NHS: variants seen among roughly 807,000 people sequenced by gnomAD.
NHS encodes NHS actin remodeling regulator.
Under a neutral mutation model 72.5 loss-of-function variants are expected in NHS, and 5 were observed. The ratio of observed to expected loss-of-function variants is 0.07; its 90% CI spans 0.04 to 0.14. The LOEUF (loss-of-function observed/expected upper bound fraction) is 0.14, where lower values mean the gene tolerates loss of function less well. Ranked by LOEUF, NHS falls within the 10% of genes least tolerant of loss-of-function variation. The pLI, the probability that NHS is intolerant of heterozygous loss-of-function variation, is 1.00. For missense variants in NHS, 1,072 were observed against 1,355.7 expected, an observed-to-expected ratio of 0.79 and a Z score of 3.29; for synonymous variants, 464 against 547.7, an observed-to-expected ratio of 0.85 and a Z score of 2.13.
chrX:17,546,126 G>C (rs58681679), intron 1 of NHS, among the ~76,000 whole-genome samples: 3,309 of 111,994 alleles, frequency 0.03, 113 homozygotes, highest in African/African-American at 0.1. Context: ...TGTCTCAGAG[G>C]GGGTACAGTG....
chrX:17,533,262 C>G (rs1239037477), intron 1 of NHS, among the ~76,000 whole-genome samples: 1 of 111,651 alleles, frequency 9.0e-6, no homozygotes, highest in Admixed American at 9.4e-5. Context: ...TTTTCGGCAA[C>G]CTTTTTTTGT....
At chrX:17,488,105 A>AT (rs1249041837) in intron 1 of NHS, among the ~76,000 whole-genome samples, 2 of 111,206 alleles carry the variant, frequency 1.8e-5, no homozygotes, top group Non-Finnish European at 3.8e-5. Context: ...GCAGAATCTG[A>AT]TGGCTACACA....
At chrX:17,561,877 C>T (rs1019670305) in intron 1 of NHS, among the ~76,000 whole-genome samples, 4 of 109,295 alleles carry the variant, frequency 3.7e-5, no homozygotes, top group African/African-American at 1.0e-4. Context: ...GATTAGGGAA[C>T]TGGGGCACGT....
At chrX:17,676,419 T>C (rs1333534256) in intron 1 of NHS, among the ~76,000 whole-genome samples, 1 of 112,279 alleles carries the variant, frequency 8.9e-6, no homozygotes, top group Non-Finnish European at 1.9e-5. Flanking sequence ...CAAGAAACTA[T>C]GAGTACTAAA....
intron 1 of NHS, among the ~76,000 whole-genome samples, chrX:17,473,597 C>A (rs1960949158): frequency 8.9e-6 from 1 of 112,142 alleles, no homozygotes; most frequent in Non-Finnish European, 1.9e-5. Flanking sequence ...ACTTTTTCAA[C>A]CATTTCATGA....
Position 17,693,127 on chromosome X carries a change from C to T in NHS, c.852+659C>T, listed in dbSNP as rs983672065. 9.8e-4 allele frequency among the ~76,000 whole-genome samples: 110 copies of T among 112,627 alleles called. No individual in the cohort carries two copies. In the Middle Eastern group the frequency reaches 0.014, roughly 14 times the overall value. ...TAACTTAATACCATGGTGACGTCAT[C>T]GCCTCTGGGGCTTTCAGCCCTGACC... On this transcript the variant is annotated intron_variant, in intron 3 of 8. Transcript: ENST00000676302.
At chrX:17,487,935 A>T (rs1258807570) in intron 1 of NHS, among the ~76,000 whole-genome samples, 2 of 111,517 alleles carry the variant, frequency 1.8e-5, no homozygotes. Context: ...GGTGGGGCAC[A>T]GGGGGTGGAG....
At chrX:17,607,231 T>G in intron 1 of NHS, among the ~76,000 whole-genome samples, 1 of 111,855 alleles carries the variant, frequency 8.9e-6, no homozygotes, top group East Asian at 2.8e-4. Context: ...AGCAAGGAAG[T>G]GGAGGATGTT....
intron 1 of NHS, among the ~76,000 whole-genome samples, chrX:17,684,419 A>T (rs1303017401): frequency 9.0e-6 from 1 of 111,217 alleles, no homozygotes; most frequent in Non-Finnish European, 1.9e-5. Context: ...GGCTGAAATC[A>T]AGGTGTCAGC....
chrX:17,631,594 C>G (rs914346315), intron 1 of NHS, among the ~76,000 whole-genome samples: 9 of 111,328 alleles, frequency 8.1e-5, no homozygotes, highest in African/African-American at 2.9e-4. Context: ...GGGGAGTATT[C>G]TAGATTTTGT....
intron 1 of NHS, among the ~76,000 whole-genome samples, chrX:17,656,132 G>A (rs1352268641): frequency 8.8e-6 from 1 of 113,379 alleles, no homozygotes; most frequent in African/African-American, 3.2e-5. Context: ...CTGCGGAGCC[G>A]GCACGCATGC....
At chrX:17,586,316 C>T (rs1211163552) in intron 1 of NHS, 3 of 111,373 alleles carry the variant, frequency 2.7e-5, no homozygotes, top group Non-Finnish European at 5.6e-5. Flanking sequence ...CTGAGAATGG[C>T]TACAAGAACA....
intron 1 of NHS, among the ~76,000 whole-genome samples, chrX:17,470,880 T>G (rs1321538775): frequency 8.9e-6 from 1 of 111,823 alleles, no homozygotes; most frequent in Non-Finnish European, 1.9e-5. Flanking sequence ...TGTGATATAT[T>G]TACTTTGTTT....
chrX:17,642,978 T>C (rs2147077846), intron 1 of NHS, among the ~76,000 whole-genome samples: 1 of 112,106 alleles, frequency 8.9e-6, no homozygotes, highest in Non-Finnish European at 1.9e-5. Flanking sequence ...GGCTTGTCCA[T>C]TGATGTTAGG....
At chrX:17,663,602 A>C (rs1383480105) in intron 1 of NHS, among the ~76,000 whole-genome samples, 5 of 112,507 alleles carry the variant, frequency 4.4e-5, no homozygotes, top group Non-Finnish European at 9.4e-5. Context: ...CATTGTAAGA[A>C]TATACCATAC....
rs1351397850 is a variant in NHS at position 17,488,908 on chromosome X, A to G, written c.565+112586A>G. Among the ~76,000 whole-genome samples, 5 of 111,273 alleles carry G rather than the reference A, an allele frequency of 4.5e-5. No homozygotes were observed. In the South Asian group the frequency reaches 1.5e-3, roughly 34 times the overall value. The stretch of plus-strand genomic sequence containing the variant: ...CTGCACCCATCAACCCGTCATCTAC[A>G]TTAGGTATTTCTGCTAATGCTATCC... On this transcript the variant is annotated intron_variant, in intron 1 of 8. Coordinates refer to ENST00000676302, the MANE Select transcript of NHS (RefSeq NM_001291867.2).
chrX:17,688,271 G>A (rs1424350981), intron 2 of NHS, among the ~76,000 whole-genome samples: 1 of 111,239 alleles, frequency 9.0e-6, no homozygotes, highest in East Asian at 2.8e-4. Flanking sequence ...GGGGCAGGAG[G>A]GCATGACCAT....
intron 1 of NHS, among the ~76,000 whole-genome samples, chrX:17,423,632 G>A (rs2064635145): frequency 9.0e-6 from 1 of 111,579 alleles, no homozygotes; most frequent in Non-Finnish European, 1.9e-5. Context: ...CCAGTTTCTG[G>A]CAATTCTATC....
chrX:17,444,870 A>AT (rs112439374), intron 1 of NHS, among the ~76,000 whole-genome samples: 1,321 of 103,820 alleles, frequency 0.013, 27 homozygotes, highest in African/African-American at 0.042. Context: ...AGTCTTATGC[A>AT]TTTTTTTTTT....
Sources: allele counts gnomAD v4.1 joint callset (sites outside exome capture counted in the v4.1 genomes callset), GRCh38; gene constraint gnomAD v4.1.1; transcripts MANE v1.5; gene names NCBI Gene and HGNC (gene_info 2026-07-23, HGNC 2026-07-21).